The following ZNF26 variants were observed in gnomAD, a reference collection of about 807,000 sequenced individuals.
ZNF26 encodes epididymis luminal protein 179.
Under a neutral mutation model 54.9 loss-of-function variants are expected in ZNF26, and 32 were observed. The observed-to-expected ratio is 0.58, with a 90% CI of 0.44 to 0.78. The LOEUF is 0.78. Among genes scored for constraint, ZNF26 ranks in the 30% least tolerant of loss-of-function variants. The probability of loss-of-function intolerance (pLI) is 0.00; values close to 1 mark genes in which losing one functional copy is unlikely to be tolerated. For missense variants in ZNF26, 524 were observed against 634.0 expected (o/e 0.83, Z 1.86); for synonymous variants, 221 against 209.2 (o/e 1.06, Z -0.49).
At position 132,986,808 on chromosome 12, in the gene ZNF26, C is replaced by T. The variant is rs1244798755; in HGVS notation, c.-33C>T. On this transcript the variant is annotated 5_prime_UTR_variant, in exon 1 of 4. Transcript: ENST00000328654. ...TCTCTCCGCAGCCCGCGGGTCCTGCCCCCGCAGGCAGCGCGCGAACGTGGG... is the reference window on the plus strand; with the variant it reads ...TCTCTCCGCAGCCCGCGGGTCCTGCTCCCGCAGGCAGCGCGCGAACGTGGG... 5 of 1,591,342 alleles carry T rather than the reference C, an allele frequency of 3.1e-6. No individual in the cohort carries two copies. Among genetic ancestry groups the T allele is most frequent in the Non-Finnish European group, 4.3e-6 (5 of 1,168,732 alleles).
intron 1 of ZNF26, chr12:132,987,780 G>T (rs998606123): frequency 6.2e-6 from 6 of 973,342 alleles, no homozygotes; most frequent in African/African-American, 1.8e-5. Flanking sequence ...TGAGGACTCA[G>T]GTTAATGAAA....
intron 1 of ZNF26, 195 bp from the exon 2 acceptor site, chr12:133,006,847 C>T (rs1333788909): frequency 1.6e-6 from 1 of 612,666 alleles, no homozygotes; most frequent in South Asian, 2.0e-5. Flanking sequence ...CCCGCCTTGG[C>T]CTCCGAAAGT....
intron 1 of ZNF26, among the ~76,000 whole-genome samples, chr12:132,998,630 G>A (rs936072373): frequency 6.6e-6 from 1 of 152,172 alleles, no homozygotes; most frequent in Non-Finnish European, 1.5e-5. Flanking sequence ...GTTAAAAAGT[G>A]ACATTCTTTA....
rs1266199108 is a variant in ZNF26, at chr12:133,010,360, T to C, written c.481T>C (p.Phe161Leu). 20 of 1,613,778 alleles carry C rather than the reference T, an allele frequency of 1.2e-5. No homozygotes were observed. The highest frequency in any genetic ancestry group is 1.7e-5 in the Non-Finnish European group (20 of 1,179,966). ...GTTTCATGGTTATGAAGAACCATAT[T>C]TTCTTAAGCATCAAAGAGCTCATAG... is the stretch of plus-strand genomic sequence containing the variant. ...DKFHGYEEPYFLKHQRAHSIE... is the reference protein window; with the variant it reads ...DKFHGYEEPYLLKHQRAHSIE... The change falls in exon 4 of 4, where the codon TTT (phenylalanine) becomes CTT (leucine). Residue 161 changes from phenylalanine to leucine, a missense_variant. By Grantham distance (22) the Phe-to-Leu change is conservative. Coordinates refer to ENST00000328654, the MANE Select transcript of ZNF26 (RefSeq NM_019591.4).
intron 1 of ZNF26, chr12:132,995,343 C>T (rs1178378741): frequency 1.3e-5 from 2 of 151,660 alleles, no homozygotes; most frequent in African/African-American, 4.8e-5. Context: ...GCCATTGTCC[C>T]GTTGATGCTC....
intron 1 of ZNF26, chr12:133,006,478 TTCCCA>T (rs1477031561): frequency 5.8e-6 from 1 of 172,096 alleles, no homozygotes; most frequent in Non-Finnish European, 1.2e-5. Context: ...TAAATGTTCA[TTCCCA>T]TCTACAAGAT....
At chr12:133,006,244 T>C (rs1021768083) in intron 1 of ZNF26, 4 of 985,306 alleles carry the variant, frequency 4.1e-6, no homozygotes, top group Non-Finnish European at 3.6e-6. Flanking sequence ...CCCAGACCAA[T>C]TGCCTTCAGA....
chr12:133,010,370 A>G lies in ZNF26; in HGVS notation c.491A>G (p.His164Arg), dbSNP rs1953443746. 1.2e-6 allele frequency: 2 copies of G among 1,613,884 alleles called. No homozygotes were observed. The highest frequency in any genetic ancestry group is 1.7e-6 in the Non-Finnish European group (2 of 1,179,996). Residue 164 changes from histidine to arginine, a missense_variant, in exon 4 of 4, where the codon CAT becomes CGT. Physicochemically the swap from His to Arg is conservative, Grantham distance 29. Transcript: ENST00000328654. ...HGYEEPYFLK[H>R]QRAHSIEKNC... ...TATGAAGAACCATATTTTCTTAAGC[A>G]TCAAAGAGCTCATAGCATAGAAAAA...
intron 3 of ZNF26, among the ~76,000 whole-genome samples, chr12:133,008,000 A>G (rs1427326719): frequency 1.3e-5 from 2 of 151,942 alleles, no homozygotes; most frequent in Non-Finnish European, 2.9e-5. Flanking sequence ...TACACACCTT[A>G]TACTTCCCTT....
intron 1 of ZNF26, among the ~76,000 whole-genome samples, chr12:132,994,645 A>G (rs1953035423): frequency 6.6e-6 from 1 of 152,206 alleles, no homozygotes; most frequent in African/African-American, 2.4e-5. Context: ...ATTCTGTTGT[A>G]TGAACATTTC....
Position 133,007,500 on chromosome 12 carries a change from TA to T in ZNF26, c.227del (p.Asn76MetfsTer41). 6.2e-7 allele frequency: 1 copy of T among 1,613,830 alleles called. No individual in the cohort carries two copies. Among genetic ancestry groups the T allele is most frequent in the Non-Finnish European group, 8.5e-7 (1 of 1,179,844 alleles). On this transcript the variant is annotated frameshift_variant, in exon 3 of 4. Transcript: ENST00000328654. LOFTEE classifies it high-confidence loss of function. ...KLEQGEDPWI[I>X]NAKISRQSCP... ...GAACAAGGAGAAGATCCATGGATAA[TA>T]AATGCCAAAATTTCCAGGCAGAGCT...
Position 133,016,832 on chromosome 12 carries a change from A to G in ZNF26, c.*5351A>G, listed in dbSNP as rs1593677401. Reference sequence around the variant, plus strand: ...TGGTATTTGTAATATGTTATGAGATACCATCATTGGAGGTTGTAAGGATGG... The same window carrying G: ...TGGTATTTGTAATATGTTATGAGATGCCATCATTGGAGGTTGTAAGGATGG... On this transcript the variant is annotated 3_prime_UTR_variant, in exon 4 of 4. Coordinates refer to ENST00000328654, the MANE Select transcript of ZNF26 (RefSeq NM_019591.4). 1.3e-5 allele frequency: 2 copies of G among 152,168 alleles called. No homozygotes were observed. Among genetic ancestry groups the G allele is most frequent in the Admixed American group, 1.3e-4 (2 of 15,260 alleles). The allele number at this position is 152,168 out of a possible 1,614,324, so 9.4% of individuals were successfully genotyped here.
chr12:132,989,071 C>T (rs1426499870), intron 1 of ZNF26, among the ~76,000 whole-genome samples: 17 of 121,406 alleles, frequency 1.4e-4, no homozygotes, highest in Admixed American at 8.7e-4. Flanking sequence ...CAGAGTCTCG[C>T]TGTTGGCCAG....
chr12:133,017,367 G>A lies in ZNF26; in HGVS notation c.*5886G>A, dbSNP rs888551522. On this transcript the variant is annotated 3_prime_UTR_variant, in exon 4 of 4. Coordinates refer to ENST00000328654, the MANE Select transcript of ZNF26 (RefSeq NM_019591.4). ...ACCTAGAAGCGGCTGGTGTGACAGA[G>A]CATTGGATGACCTGCTGAAGGTGGT... 6.6e-6 allele frequency: 1 copy of A among 152,194 alleles called. No individual in the cohort carries two copies. Among genetic ancestry groups the A allele is most frequent in the Admixed American group, 6.5e-5 (1 of 15,272 alleles). 9.4% of individuals were successfully genotyped at this position (152,194 alleles called of 1,614,324 possible). A position where few individuals can be genotyped will look rare whatever the true frequency, so the allele number is the denominator to read the frequency against.
At chr12:132,992,376 G>C (rs1362759225) in intron 1 of ZNF26, among the ~76,000 whole-genome samples, 1 of 151,736 alleles carries the variant, frequency 6.6e-6, no homozygotes, top group African/African-American at 2.4e-5. Context: ...GGTTTCTGTA[G>C]GTAAGGTATT....
At chr12:133,006,174 A>G (rs971085799) in intron 1 of ZNF26, 15 of 985,000 alleles carry the variant, frequency 1.5e-5, no homozygotes, top group Non-Finnish European at 1.8e-5. Context: ...GACTAGAGCC[A>G]TCTTAGACTG....
At chr12:133,004,454 T>A (rs1593659333) in intron 1 of ZNF26, 1 of 152,186 alleles carries the variant, frequency 6.6e-6, no homozygotes, top group South Asian at 2.1e-4. Context: ...TCCCACCAAT[T>A]CTTTCTGTGT....
intron 1 of ZNF26, among the ~76,000 whole-genome samples, chr12:132,988,664 A>G (rs1952880373): frequency 6.6e-6 from 1 of 152,206 alleles, no homozygotes; most frequent in African/African-American, 2.4e-5. Context: ...AACATCTGCA[A>G]AATAACTTGC....
Position 133,010,978 on chromosome 12 carries a change from A to C in ZNF26, c.1099A>C (p.Asn367His). 2 of 1,613,724 alleles carry C rather than the reference A, an allele frequency of 1.2e-6. No individual in the cohort carries two copies. Among genetic ancestry groups the C allele is most frequent in the South Asian group, 2.2e-5 (2 of 91,056 alleles). ...LIVHQGVHTG[N>H]NPYQCGECGK... Reference sequence around the variant, plus strand: ...TGTACATCAGGGAGTTCACACAGGAAATAATCCTTATCAATGCGGTGAATG... The same window carrying C: ...TGTACATCAGGGAGTTCACACAGGACATAATCCTTATCAATGCGGTGAATG... Residue 367 changes from asparagine to histidine, a missense_variant, in exon 4 of 4, where the codon AAT becomes CAT. Physicochemically the swap from Asn to His is moderately conservative, Grantham distance 68. Transcript: ENST00000328654.
Sources: allele counts gnomAD v4.1 joint callset (sites outside exome capture counted in the v4.1 genomes callset), GRCh38; gene constraint gnomAD v4.1.1; transcripts MANE v1.5; gene names NCBI Gene and HGNC (gene_info 2026-07-23, HGNC 2026-07-21).